CEP95: variants seen among roughly 807,000 people sequenced by gnomAD.
CEP95 encodes centrosomal protein 95, also known as centrosomal protein of 95 kDa.
CEP95 carries 98 observed loss-of-function variants against 111.2 expected under a neutral mutation model. The observed-to-expected ratio is 0.88, with a 90% confidence interval of 0.75 to 1.04. CEP95 has a LOEUF of 1.04. CEP95 is among the 50% of genes least tolerant of loss of function. The pLI, the probability that CEP95 is intolerant of heterozygous loss-of-function variation, is 0.00. For synonymous variants in CEP95, 323 were observed against 327.1 expected (o/e 0.99, Z 0.14); for missense variants, 1,027 against 977.2 (o/e 1.05, Z -0.68).
intron 1 of CEP95, 134 bp from the exon 2 acceptor site, chr17:64,508,458 C>T (rs1037059478): frequency 6.0e-6 from 7 of 1,170,296 alleles, no homozygotes; most frequent in Non-Finnish European, 6.4e-6. Context: ...AATTCTCTAA[C>T]AATCAAATTC....
intron 14 of CEP95, 122 bp from the exon 15 acceptor site, chr17:64,532,717 T>A (rs1968365680): frequency 6.9e-7 from 1 of 1,457,370 alleles, no homozygotes; most frequent in African/African-American, 1.4e-5. Flanking sequence ...TATAAGTACA[T>A]TTAGAATTGT....
intron 11 of CEP95, among the ~76,000 whole-genome samples, chr17:64,528,729 C>T (rs1555679657): frequency 6.6e-6 from 1 of 152,162 alleles, no homozygotes; most frequent in Non-Finnish European, 1.5e-5. Flanking sequence ...ACTAGCAGAT[C>T]CCCAGACACA....
chr17:64,529,483 G>A, intron 12 of CEP95, 56 bp downstream of exon 12: 1 of 1,561,382 alleles, frequency 6.4e-7, no homozygotes, highest in South Asian at 1.2e-5. Context: ...TTTCCCCTCA[G>A]CCAGATGCTA....
intron 12 of CEP95, 57 bp downstream of exon 12, chr17:64,529,484 C>T: frequency 1.3e-6 from 2 of 1,540,984 alleles, no homozygotes; most frequent in Non-Finnish European, 1.8e-6. Flanking sequence ...TTCCCCTCAG[C>T]CAGATGCTAC....
Position 64,507,017 on chromosome 17 carries a change from G to C in CEP95, c.-81G>C, listed in dbSNP as rs1451741642. 7.9e-6 allele frequency: 12 copies of C among 1,511,420 alleles called. No individual in the cohort carries two copies. Among genetic ancestry groups the C allele is most frequent in the Admixed American group, 3.9e-5 (2 of 50,956 alleles). The allele number at this position is 1,511,420 out of a possible 1,614,324, so 93.6% of individuals were successfully genotyped here. A position where few individuals can be genotyped will look rare whatever the true frequency, so the allele number is the denominator to read the frequency against. On this transcript the variant is annotated 5_prime_UTR_variant, in exon 1 of 20. Coordinates refer to ENST00000556440, the MANE Select transcript of CEP95 (RefSeq NM_138363.3). ...GTTCGTGCGTCCGCGCCCCAGTGTC[G>C]GGTCTGCGTGGATCGGTCCTTCCAG...
In CEP95 at chr17:64,526,109, C is replaced by CT; in HGVS notation, c.1064dup (p.Gln357ProfsTer14). ...GCTACAGCCTCATCCTGCAATTCAC[C>CT]TTTCCCCCAGAGGCCAAGAAAGAGA... On this transcript the variant is annotated frameshift_variant, in exon 10 of 20. Coordinates refer to ENST00000556440, the MANE Select transcript of CEP95 (RefSeq NM_138363.3). LOFTEE classifies it high-confidence loss of function. 6.2e-7 allele frequency: 1 copy of CT among 1,613,764 alleles called. No individual in the cohort carries two copies. Among genetic ancestry groups the CT allele is most frequent in the Non-Finnish European group, 8.5e-7 (1 of 1,179,772 alleles).
chr17:64,516,575 G>A (rs2039155277), intron 4 of CEP95, 148 bp from the exon 5 acceptor site: 1 of 466,982 alleles, frequency 2.1e-6, no homozygotes, highest in Non-Finnish European at 3.8e-6. Flanking sequence ...AGGTGATTTG[G>A]TTCTTTCTGA....
At chr17:64,535,679 C>T (rs1968602045) in intron 17 of CEP95, 1 of 152,142 alleles carries the variant, frequency 6.6e-6, no homozygotes, top group African/African-American at 2.4e-5. Flanking sequence ...CTAGCAGTTC[C>T]TCAGAAGGTT....
intron 16 of CEP95, among the ~76,000 whole-genome samples, chr17:64,533,700 A>C (rs1968446912): frequency 6.6e-6 from 1 of 152,164 alleles, no homozygotes; most frequent in Admixed American, 6.6e-5. Flanking sequence ...GTAATGTATT[A>C]GAGATGTTTT....
chr17:64,506,801 G>A (rs1227566692), upstream of CEP95: 24 of 567,060 alleles, frequency 4.2e-5, 1 homozygote, highest in South Asian at 4.6e-4. Context: ...GCTGCCGGCT[G>A]ATGTGGACCG....
rs148985842 is a variant in CEP95, at chr17:64,507,040, C to G, written c.-58C>G. The G allele has an allele frequency of 6.5e-7, 1 of 1,548,438 alleles. No homozygotes were observed. Among genetic ancestry groups the G allele is most frequent in the African/African-American group, 1.4e-5 (1 of 73,022 alleles). On this transcript the variant is annotated 5_prime_UTR_variant, in exon 1 of 20. Coordinates refer to ENST00000556440, the MANE Select transcript of CEP95 (RefSeq NM_138363.3). ...TCGGGTCTGCGTGGATCGGTCCTTC[C>G]AGGACACCGTCGCCTTCCCGGCCGC...
chr17:64,534,861 T>C (rs967114126), intron 17 of CEP95, 124 bp downstream of exon 17: 2 of 1,133,132 alleles, frequency 1.8e-6, no homozygotes, highest in Non-Finnish European at 2.6e-6. Context: ...AGTCCTATAG[T>C]GCTGGCCCTG....
chr17:64,510,190 A>G lies in CEP95; in HGVS notation c.166A>G (p.Arg56Gly). ...CCCCCCAGACCTCATAGTTATTCCTAGGAGTCAAGAAGATGATGCACACAA... is the reference window on the plus strand; with the variant it reads ...CCCCCCAGACCTCATAGTTATTCCTGGGAGTCAAGAAGATGATGCACACAA... ...EKVPDLIVIP[R>G]SQEDDAHNVQ... The change falls in exon 3 of 20, where the codon AGG becomes GGG. Residue 56 changes from arginine (R) to glycine (G), a missense_variant. By Grantham distance (125) the Arg-to-Gly change is moderately radical. Coordinates refer to ENST00000556440, the MANE Select transcript of CEP95 (RefSeq NM_138363.3). 1 of 1,606,580 alleles carries G rather than the reference A, an allele frequency of 6.2e-7. No homozygotes were observed. The highest frequency in any genetic ancestry group is 8.5e-7 in the Non-Finnish European group (1 of 1,175,270).
Position 64,534,710 on chromosome 17 carries a change from G to C in CEP95, c.2043G>C (p.Met681Ile). Reference sequence around the variant, plus strand: ...ATAGAGTTCAGTTGTGTGCAAAAATGATGAGAATGAGGACCCGGGAAGAAA... The same window carrying C: ...ATAGAGTTCAGTTGTGTGCAAAAATCATGAGAATGAGGACCCGGGAAGAAA... ...DDYRVQLCAK[M>I]MRMRTREEMI... The change falls in exon 17 of 20, where the codon ATG becomes ATC. Residue 681 changes from methionine (M) to isoleucine (I), a missense_variant. Coordinates refer to ENST00000556440, the MANE Select transcript of CEP95 (RefSeq NM_138363.3). The C allele has an allele frequency of 1.2e-6, 2 of 1,612,764 alleles. No homozygotes were observed. Among genetic ancestry groups the C allele is most frequent in the East Asian group, 2.2e-5 (1 of 44,818 alleles).
At chr17:64,508,140 C>G in intron 1 of CEP95, 2 of 985,410 alleles carry the variant, frequency 2.0e-6, no homozygotes, top group Non-Finnish European at 2.4e-6. Context: ...CTGACTTGCA[C>G]AAGATAATTG....
intron 13 of CEP95, 25 bp from the exon 14 acceptor site, chr17:64,531,865 A>C (rs1555680370): frequency 6.7e-7 from 1 of 1,484,350 alleles, no homozygotes; most frequent in Non-Finnish European, 9.0e-7. Context: ...TTTTATTTTT[A>C]TTCTGTTTTA....
intron 5 of CEP95, among the ~76,000 whole-genome samples, chr17:64,517,347 C>G (rs1306352093): frequency 1.3e-5 from 2 of 152,064 alleles, no homozygotes; most frequent in African/African-American, 4.8e-5. Flanking sequence ...GCGCCTGGTC[C>G]CTGTTTTTCT....
Position 64,532,939 on chromosome 17 carries a change from T to A in CEP95, c.1773T>A (p.Ile591=). ...TAAGCAAAATGTGGAAACAGCAAATTGCACAGGTTGAACAGCTTAAGAAAG... is the reference window on the plus strand; with the variant it reads ...TAAGCAAAATGTGGAAACAGCAAATAGCACAGGTTGAACAGCTTAAGAAAG... ...PTLSKMWKQQ[I]AQVEQLKKEA... The change falls in exon 15 of 20, where the codon ATT becomes ATA. Residue 591 remains isoleucine, a synonymous_variant. Transcript: ENST00000556440. 6.2e-7 allele frequency: 1 copy of A among 1,613,894 alleles called. No homozygotes were observed. The highest frequency in any genetic ancestry group is 1.3e-5 in the African/African-American group (1 of 75,036).
chr17:64,519,637 A>T (rs1225452735), intron 6 of CEP95, among the ~76,000 whole-genome samples: 2 of 152,192 alleles, frequency 1.3e-5, no homozygotes, highest in Non-Finnish European at 2.9e-5. Context: ...TCCAAGGCAA[A>T]TAAGTGTATG....
Sources: gnomAD v4.1 joint callset for allele counts (sites outside exome capture counted in the v4.1 genomes callset) on GRCh38, gnomAD v4.1.1 for gene constraint, MANE v1.5 for transcripts, NCBI Gene and HGNC (gene_info 2026-07-23, HGNC 2026-07-21) for gene names.